PAFAH1B1: variants seen among roughly 807,000 people sequenced by gnomAD.
PAFAH1B1 encodes the protein platelet-activating factor acetylhydrolase IB subunit beta.
In PAFAH1B1, 2 loss-of-function variants were observed where a neutral mutation model predicts 57.5. The ratio of observed to expected loss-of-function variants is 0.03; its 90% CI spans 0.01 to 0.11. The LOEUF (loss-of-function observed/expected upper bound fraction) is 0.11, where lower values mean the gene tolerates loss of function less well. Ranked by LOEUF, PAFAH1B1 falls within the 10% of genes least tolerant of loss-of-function variation. PAFAH1B1 has a pLI of 1.00. For missense variants in PAFAH1B1, 257 were observed against 512.0 expected (o/e 0.50, Z 4.81); for synonymous variants, 152 against 169.6 (o/e 0.90, Z 0.81).
intron 1 of PAFAH1B1, among the ~76,000 whole-genome samples, chr17:2,632,566 A>C (rs1490825112): frequency 6.6e-6 from 1 of 152,172 alleles, no homozygotes. Context: ...TCTTTAACGT[A>C]CAGTTGGCCC....
At chr17:2,634,218 C>T (rs988436478) in intron 1 of PAFAH1B1, among the ~76,000 whole-genome samples, 3 of 152,134 alleles carry the variant, frequency 2.0e-5, no homozygotes, top group African/African-American at 4.8e-5. Context: ...TCAACTGCAA[C>T]CTCCGCCTCC....
chr17:2,680,135 C>G (rs1288542914), intron 9 of PAFAH1B1, 29 bp from the exon 10 acceptor site: 9 of 1,609,434 alleles, frequency 5.6e-6, no homozygotes, highest in Non-Finnish European at 7.6e-6. Flanking sequence ...TTGCCTTTTA[C>G]TGAGTCAAAT....
intron 2 of PAFAH1B1, among the ~76,000 whole-genome samples, chr17:2,645,542 G>A (rs1429952141): frequency 2.7e-5 from 4 of 150,594 alleles, no homozygotes; most frequent in South Asian, 4.2e-4. Flanking sequence ...GCAGTGAGCC[G>A]AGATCGCACC....
At chr17:2,678,101 A>C (rs770993300) in intron 9 of PAFAH1B1, among the ~76,000 whole-genome samples, 2 of 151,948 alleles carry the variant, frequency 1.3e-5, no homozygotes, top group Non-Finnish European at 2.9e-5. Context: ...TACTAAAATT[A>C]CAAAAATTAG....
At chr17:2,677,853 C>CAAAA (rs1425755864) in intron 9 of PAFAH1B1, among the ~76,000 whole-genome samples, 5 of 99,084 alleles carry the variant, frequency 5.0e-5, no homozygotes, top group South Asian at 3.9e-4. Flanking sequence ...GACTCCGCCT[C>CAAAA]AAAAAATAAA....
At position 2,631,400 on chromosome 17, in the gene PAFAH1B1, C is replaced by A. The variant is rs151008288; in HGVS notation, c.-190-6699C>A. On this transcript the variant is annotated intron_variant, in intron 1 of 10. Transcript: ENST00000397195. ...GTTCTGGCCAGGAGGCTTCCCACCC[C>A]ATTCAGATGGTTACAAAATTTGGCT... is the stretch of plus-strand genomic sequence containing the variant. Among the ~76,000 whole-genome samples, 135 of 152,288 alleles carry A rather than the reference C, an allele frequency of 8.9e-4. 3 individuals carry two copies. In the East Asian group the frequency reaches 0.022, roughly 24 times the overall value.
chr17:2,625,517 A>G (rs1221158297), intron 1 of PAFAH1B1, among the ~76,000 whole-genome samples: 2 of 152,202 alleles, frequency 1.3e-5, no homozygotes, highest in African/African-American at 2.4e-5. Flanking sequence ...AAGAACTTCT[A>G]TACCAGGTAG....
At chr17:2,663,032 G>C (rs1419674143) in intron 2 of PAFAH1B1, among the ~76,000 whole-genome samples, 2 of 152,152 alleles carry the variant, frequency 1.3e-5, no homozygotes, top group Non-Finnish European at 2.9e-5. Flanking sequence ...AGAATCGCTT[G>C]AACCTGGGAG....
intron 1 of PAFAH1B1, among the ~76,000 whole-genome samples, chr17:2,612,058 C>A (rs1349434571): frequency 1.3e-5 from 2 of 151,952 alleles, no homozygotes; most frequent in Admixed American, 6.6e-5. Flanking sequence ...CCATTATTGG[C>A]AGTTTTTAAT....
chr17:2,596,580 A>G (rs1467404984), intron 1 of PAFAH1B1, among the ~76,000 whole-genome samples: 1 of 152,160 alleles, frequency 6.6e-6, no homozygotes, highest in African/African-American at 2.4e-5. Context: ...ATAGGTGGTA[A>G]ATGTGACTTT....
intron 1 of PAFAH1B1, among the ~76,000 whole-genome samples, chr17:2,594,867 A>G (rs2068067871): frequency 6.6e-6 from 1 of 152,204 alleles, no homozygotes; most frequent in South Asian, 2.1e-4. Context: ...ACATGAGAAA[A>G]TGCCTTTGAG....
At chr17:2,654,379 A>G (rs2068908910) in intron 2 of PAFAH1B1, among the ~76,000 whole-genome samples, 1 of 150,996 alleles carries the variant, frequency 6.6e-6, no homozygotes, top group Non-Finnish European at 1.5e-5. Context: ...TAGTTTCACC[A>G]TGTTGGCCAG....
rs2069451020 is a variant in PAFAH1B1, at chr17:2,684,875, T to C, written c.*3073T>C. Reference sequence around the variant, plus strand: ...GTGCCCTGCTCTCCCGTTCGCCTCTTTCTGTTTCTGTGTGAACTTTCCCGG... The same window carrying C: ...GTGCCCTGCTCTCCCGTTCGCCTCTCTCTGTTTCTGTGTGAACTTTCCCGG... On this transcript the variant is annotated 3_prime_UTR_variant, in exon 11 of 11. Transcript: ENST00000397195. 1 of 152,426 alleles carries C rather than the reference T, an allele frequency of 6.6e-6. No homozygotes were observed. The highest frequency in any genetic ancestry group is 6.5e-5 in the Admixed American group (1 of 15,280). 9.4% of individuals were successfully genotyped at this position (152,426 alleles called of 1,614,324 possible).
intron 1 of PAFAH1B1, among the ~76,000 whole-genome samples, chr17:2,621,371 C>T (rs973688763): frequency 6.6e-6 from 1 of 152,174 alleles, no homozygotes; most frequent in African/African-American, 2.4e-5. Flanking sequence ...TAATGGCCTC[C>T]AGTTCCATCC....
Position 2,666,041 on chromosome 17 carries a change from C to G in PAFAH1B1, c.143C>G (p.Ala48Gly). 2.0e-6 allele frequency: 3 copies of G among 1,521,184 alleles called. No homozygotes were observed. The highest frequency in any genetic ancestry group is 2.7e-6 in the Non-Finnish European group (3 of 1,113,050). 94.2% of individuals were successfully genotyped at this position (1,521,184 alleles called of 1,614,324 possible). A position where few individuals can be genotyped will look rare whatever the true frequency, so the allele number is the denominator to read the frequency against. ...DVNEELDKKY[A>G]GLLEKKWTSV... ...AATGAAGAATTAGATAAAAAGTATGCTGGTCTTTTGGAAAAAAAATGGACA... is the reference window on the plus strand; with the variant it reads ...AATGAAGAATTAGATAAAAAGTATGGTGGTCTTTTGGAAAAAAAATGGACA... Residue 48 changes from alanine to glycine, a missense_variant, in exon 4 of 11, where the codon GCT becomes GGT. Coordinates refer to ENST00000397195, the MANE Select transcript of PAFAH1B1 (RefSeq NM_000430.4).
intron 1 of PAFAH1B1, among the ~76,000 whole-genome samples, chr17:2,595,198 T>C (rs947524589): frequency 5.3e-5 from 8 of 152,306 alleles, no homozygotes; most frequent in Non-Finnish European, 1.0e-4. Context: ...AATAGAGATA[T>C]TACTGATATT....
intron 1 of PAFAH1B1, among the ~76,000 whole-genome samples, chr17:2,595,786 G>T (rs2068079022): frequency 6.6e-6 from 1 of 152,086 alleles, no homozygotes; most frequent in Non-Finnish European, 1.5e-5. Context: ...AATCAGAAAG[G>T]AATCCAATTT....
At chr17:2,662,379 T>TGTGC (rs2069028643) in intron 2 of PAFAH1B1, among the ~76,000 whole-genome samples, 1 of 2,066 alleles carries the variant, frequency 4.8e-4, no homozygotes, top group Non-Finnish European at 1.5e-3. Flanking sequence ...TTAACCTCTT[T>TGTGC]GTGTGTGTGT....
chr17:2,651,519 A>C (rs1398516902), intron 2 of PAFAH1B1, among the ~76,000 whole-genome samples: 1 of 151,218 alleles, frequency 6.6e-6, no homozygotes, highest in Non-Finnish European at 1.5e-5. Context: ...TGGGAGGTAG[A>C]GGCTGCAGTG....
Sources: allele counts gnomAD v4.1 joint callset (sites outside exome capture counted in the v4.1 genomes callset), GRCh38; gene constraint gnomAD v4.1.1; transcripts MANE v1.5; gene names NCBI Gene and HGNC (gene_info 2026-07-23, HGNC 2026-07-21).